MSI2: variants seen among roughly 807,000 people sequenced by gnomAD.
MSI2 encodes the protein musashi RNA binding protein 2, also known as RNA-binding protein Musashi homolog 2.
Under a neutral mutation model 45.6 loss-of-function variants are expected in MSI2, and 17 were observed. That is an observed-to-expected ratio of 0.37 (90% CI 0.26 to 0.56). MSI2 has a LOEUF of 0.56. MSI2 is among the 20% of genes least tolerant of loss of function. The pLI is 0.77. For synonymous variants in MSI2, 156 were observed against 158.2 expected, an observed-to-expected ratio of 0.99 and a Z score of 0.11; for missense variants, 293 against 444.2, an observed-to-expected ratio of 0.66 and a Z score of 3.06.
At chr17:57,672,371 G>A (rs543942966) in intron 11 of MSI2, among the ~76,000 whole-genome samples, 11 of 152,318 alleles carry the variant, frequency 7.2e-5, no homozygotes, top group South Asian at 6.2e-4. Flanking sequence ...GAATGGGAGC[G>A]GTTGCCAAGG....
At chr17:57,570,005 A>G (rs1362147151) in intron 7 of MSI2, among the ~76,000 whole-genome samples, 1 of 152,192 alleles carries the variant, frequency 6.6e-6, no homozygotes, top group Non-Finnish European at 1.5e-5. Flanking sequence ...CACGGCTGAC[A>G]CACACTCAGG....
chr17:57,451,036 G>T (rs2085009317), intron 6 of MSI2, among the ~76,000 whole-genome samples: 1 of 152,116 alleles, frequency 6.6e-6, no homozygotes, highest in African/African-American at 2.4e-5. Context: ...GCTTTGTGAA[G>T]CTTCCTCGAT....
downstream of MSI2, among the ~76,000 whole-genome samples, chr17:57,689,336 GA>G (rs776269712): frequency 6.6e-6 from 1 of 152,148 alleles, no homozygotes; most frequent in Non-Finnish European, 1.5e-5. Context: ...AATAGAAAAA[GA>G]AAAGGGTAGG....
intron 7 of MSI2, among the ~76,000 whole-genome samples, chr17:57,563,746 G>GCGCGCACA (rs534460755): frequency 2.2e-5 from 3 of 139,292 alleles, no homozygotes; most frequent in African/African-American, 5.4e-5. Context: ...ACACAGGCGC[G>GCGCGCACA]CACACACACA....
At chr17:57,605,616 A>T (rs1020036702) in intron 8 of MSI2, among the ~76,000 whole-genome samples, 13 of 152,198 alleles carry the variant, frequency 8.5e-5, no homozygotes, top group African/African-American at 3.1e-4. Context: ...AAGGCAGGGC[A>T]TGAACAGTCT....
intron 4 of MSI2, among the ~76,000 whole-genome samples, chr17:57,258,751 A>AG (rs1160922489): frequency 6.6e-6 from 1 of 152,178 alleles, no homozygotes; most frequent in Non-Finnish European, 1.5e-5. Flanking sequence ...TTTGTGGCCA[A>AG]GGGGGACAGC....
At chr17:57,603,837 G>A (rs916489211) in intron 8 of MSI2, among the ~76,000 whole-genome samples, 2 of 152,264 alleles carry the variant, frequency 1.3e-5, no homozygotes, top group African/African-American at 4.8e-5. Context: ...CTCAGAGCAG[G>A]CCCAGTCAGG....
At chr17:57,471,508 A>G (rs1009635252) in intron 6 of MSI2, among the ~76,000 whole-genome samples, 1 of 151,920 alleles carries the variant, frequency 6.6e-6, no homozygotes, top group Admixed American at 6.6e-5. Flanking sequence ...CTTGAACTTT[A>G]TGGAGCACTT....
chr17:57,295,356 A>G (rs1173719561), intron 5 of MSI2, among the ~76,000 whole-genome samples: 1 of 152,124 alleles, frequency 6.6e-6, no homozygotes. Context: ...CCCCATGGCT[A>G]AAAAGAGAGC....
intron 6 of MSI2, among the ~76,000 whole-genome samples, chr17:57,505,996 A>G (rs1374589775): frequency 6.6e-6 from 1 of 152,196 alleles, no homozygotes; most frequent in East Asian, 1.9e-4. Flanking sequence ...GGCCCCCTCC[A>G]GACTCTCTTT....
intron 9 of MSI2, among the ~76,000 whole-genome samples, chr17:57,621,859 AG>A: frequency 6.6e-6 from 1 of 152,342 alleles, no homozygotes; most frequent in Middle Eastern, 3.4e-3. Context: ...TCCTTAGGCC[AG>A]GTCTCCCACC....
chr17:57,682,067 A>G lies in MSI2; in HGVS notation c.*2550A>G, dbSNP rs550909474. ...CTTTTTTTCTCCTCTTTCTTCTAGT[A>G]CATATTGATAGGTATAACATAATTA... On this transcript the variant is annotated 3_prime_UTR_variant, in exon 14 of 14. Coordinates refer to ENST00000284073, the MANE Select transcript of MSI2 (RefSeq NM_138962.4). 8.8e-5 allele frequency: 18 copies of G among 204,248 alleles called. No individual in the cohort carries two copies. The highest frequency in any genetic ancestry group is 3.9e-4 in the African/African-American group (17 of 43,796). The allele number at this position is 204,248 out of a possible 1,614,324, so 12.7% of individuals were successfully genotyped here.
rs138369624 is a variant in MSI2, at chr17:57,495,915, T to C, written c.406-33761T>C. 1.3e-4 allele frequency among the ~76,000 whole-genome samples: 20 copies of C among 152,366 alleles called. 1 individual carries two copies. Among genetic ancestry groups the C allele is most frequent in the Non-Finnish European group, 2.2e-4 (15 of 68,034 alleles). On this transcript the variant is annotated intron_variant, in intron 6 of 13. Transcript: ENST00000284073. ...ATACAGTTATATATCCTCATAGTTA[T>C]TGAAGCTTGGATTAACATGACATAA...
At chr17:57,307,872 T>C (rs1203658905) in intron 5 of MSI2, among the ~76,000 whole-genome samples, 1 of 152,252 alleles carries the variant, frequency 6.6e-6, no homozygotes, top group African/African-American at 2.4e-5. Flanking sequence ...ACATTCCCTA[T>C]CATAGCAGTT....
intron 13 of MSI2, among the ~76,000 whole-genome samples, chr17:57,677,393 C>A (rs1189805993): frequency 6.6e-6 from 1 of 152,172 alleles, no homozygotes; most frequent in African/African-American, 2.4e-5. Flanking sequence ...GGAAGGAGAT[C>A]TCGTGCTGTG....
chr17:57,418,101 G>A (rs1014563128), intron 6 of MSI2, among the ~76,000 whole-genome samples: 1 of 152,146 alleles, frequency 6.6e-6, no homozygotes, highest in Non-Finnish European at 1.5e-5. Context: ...CTGCTACTCG[G>A]TTCTGCTGTT....
intron 6 of MSI2, among the ~76,000 whole-genome samples, chr17:57,502,103 G>A (rs2086119590): frequency 6.6e-6 from 1 of 152,116 alleles, no homozygotes; most frequent in African/African-American, 2.4e-5. Context: ...GCGATGTGGG[G>A]CTCTCCAAGG....
chr17:57,491,531 C>T (rs1411787438), intron 6 of MSI2, among the ~76,000 whole-genome samples: 1 of 152,198 alleles, frequency 6.6e-6, no homozygotes, highest in East Asian at 1.9e-4. Context: ...AGACATGTTA[C>T]ATCTCCTGAT....
intron 7 of MSI2, among the ~76,000 whole-genome samples, chr17:57,532,689 C>A (rs1428819643): frequency 2.6e-5 from 4 of 152,226 alleles, no homozygotes; most frequent in African/African-American, 4.8e-5. Context: ...CCCAAACTTA[C>A]CTTCACCTCC....
Sources: gnomAD v4.1 joint callset for allele counts (sites outside exome capture counted in the v4.1 genomes callset) on GRCh38, gnomAD v4.1.1 for gene constraint, MANE v1.5 for transcripts, NCBI Gene and HGNC (gene_info 2026-07-23, HGNC 2026-07-21) for gene names.